BCO1: variants seen among roughly 807,000 people sequenced by gnomAD.
The protein encoded by BCO1 is beta-carotene oxygenase 1, also known as beta,beta-carotene 15,15'-dioxygenase.
Under a neutral mutation model 56.3 loss-of-function variants are expected in BCO1, and 54 were observed. That is an observed-to-expected ratio of 0.96 (90% CI 0.77 to 1.20). The LOEUF (loss-of-function observed/expected upper bound fraction) is 1.20. Among genes scored for constraint, BCO1 ranks in the 50% most tolerant of loss-of-function variants. BCO1 has a pLI of 0.00. For missense variants in BCO1, 801 were observed against 690.9 expected, an observed-to-expected ratio of 1.16 and a Z score of -1.79; for synonymous variants, 318 against 266.1, an observed-to-expected ratio of 1.20 and a Z score of -1.90.
At chr16:81,284,751 C>T (rs1908076678) in intron 8 of BCO1, among the ~76,000 whole-genome samples, 1 of 151,960 alleles carries the variant, frequency 6.6e-6, no homozygotes. Flanking sequence ...TCCCAAAGTG[C>T]TGGGATTACA....
At chr16:81,265,010 T>C (rs1264178699) in intron 5 of BCO1, among the ~76,000 whole-genome samples, 1 of 152,168 alleles carries the variant, frequency 6.6e-6, no homozygotes, top group East Asian at 1.9e-4. Context: ...TCCTTTTATT[T>C]AGGCTCCAGT....
At chr16:81,244,645 T>A (rs1905288912) in intron 1 of BCO1, among the ~76,000 whole-genome samples, 1 of 151,742 alleles carries the variant, frequency 6.6e-6, no homozygotes, top group Admixed American at 6.6e-5. Context: ...CACACCCTCC[T>A]GCTCTCAGCC....
chr16:81,265,233 A>T (rs968281195), intron 5 of BCO1, among the ~76,000 whole-genome samples: 2 of 148,950 alleles, frequency 1.3e-5, no homozygotes, highest in Non-Finnish European at 3.0e-5. Flanking sequence ...CCACCCATCC[A>T]CCTATCCACC....
chr16:81,253,876 T>A (rs1437565342), intron 2 of BCO1, among the ~76,000 whole-genome samples: 12 of 152,040 alleles, frequency 7.9e-5, no homozygotes, highest in Non-Finnish European at 1.6e-4. Context: ...GGTGGGAGGA[T>A]CACTCGAGCC....
At chr16:81,260,032 G>A (rs576731258) in intron 3 of BCO1, among the ~76,000 whole-genome samples, 2 of 152,158 alleles carry the variant, frequency 1.3e-5, no homozygotes, top group African/African-American at 2.4e-5. Context: ...GTGGGAAAGC[G>A]ATTTGGAATC....
intron 7 of BCO1, among the ~76,000 whole-genome samples, chr16:81,275,317 C>T (rs570777118): frequency 4.9e-4 from 74 of 152,354 alleles, no homozygotes; most frequent in African/African-American, 1.8e-3. Context: ...GCCCTGAGAC[C>T]CCCATGTCCG....
chr16:81,249,485 T>C (rs1905650712), intron 2 of BCO1, among the ~76,000 whole-genome samples: 1 of 152,190 alleles, frequency 6.6e-6, no homozygotes, highest in Admixed American at 6.5e-5. Flanking sequence ...CTTGATCTCC[T>C]GACCTCGTGA....
chr16:81,290,892 C>A lies in BCO1; in HGVS notation c.*315C>A. ...AGATTGTATTCAATGACATTATCAT[C>A]ATTTTTAGAACGAGCCACTAACCTA... On this transcript the variant is annotated 3_prime_UTR_variant, in exon 11 of 11. Coordinates refer to ENST00000258168, the MANE Select transcript of BCO1 (RefSeq NM_017429.3). 3.7e-6 allele frequency: 1 copy of A among 272,720 alleles called. No individual in the cohort carries two copies. Among genetic ancestry groups the A allele is most frequent in the Non-Finnish European group, 7.0e-6 (1 of 143,546 alleles). 16.9% of individuals were successfully genotyped at this position (272,720 alleles called of 1,614,324 possible).
At chr16:81,281,866 A>T (rs1907902168) in intron 8 of BCO1, among the ~76,000 whole-genome samples, 1 of 152,252 alleles carries the variant, frequency 6.6e-6, no homozygotes, top group Non-Finnish European at 1.5e-5. Flanking sequence ...GTCTCCAGAC[A>T]TTGCCAGCAT....
At chr16:81,271,509 C>A (rs946630146) in intron 7 of BCO1, among the ~76,000 whole-genome samples, 4 of 152,158 alleles carry the variant, frequency 2.6e-5, no homozygotes, top group African/African-American at 7.2e-5. Flanking sequence ...TTCATCACCT[C>A]CAAAACACAC....
At chr16:81,239,651 A>C (rs1435037569) in intron 1 of BCO1, among the ~76,000 whole-genome samples, 3 of 152,176 alleles carry the variant, frequency 2.0e-5, no homozygotes, top group Non-Finnish European at 4.4e-5. Flanking sequence ...ATGAGCTCCC[A>C]CGCATGCACA....
In BCO1 at chr16:81,285,641, G is replaced by T. The variant is rs759491223; in HGVS notation, c.1302+7G>T. On this transcript the variant is annotated splice_region_variant and intron_variant, in intron 9 of 10. Transcript: ENST00000258168. ...GAGTCCAATCCCAACCAAGGTACTG[G>T]TCTCTGTGTATTCACAAGCCTTTCC... 1.4e-5 allele frequency: 22 copies of T among 1,578,330 alleles called. No homozygotes were observed. The highest frequency in any genetic ancestry group is 1.7e-4 in the Middle Eastern group (1 of 6,010).
chr16:81,276,747 T>G (rs921687486), intron 7 of BCO1, among the ~76,000 whole-genome samples: 1 of 152,226 alleles, frequency 6.6e-6, no homozygotes, highest in African/African-American at 2.4e-5. Flanking sequence ...GAATTGAATT[T>G]TTAATTTTAC....
intron 2 of BCO1, among the ~76,000 whole-genome samples, chr16:81,249,092 CTTTTTTTTTT>C: frequency 7.5e-6 from 1 of 133,444 alleles, no homozygotes; most frequent in Non-Finnish European, 1.6e-5. Context: ...CTCTTTCTTT[CTTTTTTTTTT>C]TTTTTTGAGA....
intron 10 of BCO1, among the ~76,000 whole-genome samples, chr16:81,289,189 T>C (rs1360470040): frequency 3.3e-5 from 5 of 152,236 alleles, no homozygotes; most frequent in Non-Finnish European, 5.9e-5. Context: ...TGGGACCCTC[T>C]GGAGGCATTG....
chr16:81,252,444 C>T (rs781708711), intron 2 of BCO1, among the ~76,000 whole-genome samples: 5 of 152,060 alleles, frequency 3.3e-5, no homozygotes, highest in African/African-American at 4.8e-5. Flanking sequence ...TCAGTAGAGA[C>T]GGGGTTTCAC....
chr16:81,268,282 G>T (rs1906960914), intron 6 of BCO1, 151 bp downstream of exon 6: 8 of 765,232 alleles, frequency 1.0e-5, no homozygotes, highest in Admixed American at 2.0e-5. Context: ...AAGTTCTGAA[G>T]CTGGATGGTC....
At chr16:81,245,410 C>G (rs1376558397) in intron 1 of BCO1, 65 bp from the exon 2 acceptor site, 1 of 1,612,604 alleles carries the variant, frequency 6.2e-7, no homozygotes, top group Non-Finnish European at 8.5e-7. Flanking sequence ...CTTTCCATGA[C>G]CATTTCTTCC....
chr16:81,274,562 C>A (rs1321436935), intron 7 of BCO1, among the ~76,000 whole-genome samples: 1 of 152,110 alleles, frequency 6.6e-6, no homozygotes, highest in Non-Finnish European at 1.5e-5. Context: ...CTGCGCCCAG[C>A]CCCCTAGCTT....
Sources: allele counts gnomAD v4.1 joint callset (sites outside exome capture counted in the v4.1 genomes callset), GRCh38; gene constraint gnomAD v4.1.1; transcripts MANE v1.5; gene names NCBI Gene and HGNC (gene_info 2026-07-23, HGNC 2026-07-21).